The following ACSM2A variants were observed in gnomAD, a reference collection of about 807,000 sequenced individuals.
The protein encoded by ACSM2A is acyl-coenzyme A synthetase ACSM2A, mitochondrial.
In ACSM2A, 72 loss-of-function variants were observed where a neutral mutation model predicts 76.6. The observed-to-expected ratio is 0.94, with a 90% CI of 0.78 to 1.14. The LOEUF is 1.14. Ranked by LOEUF, ACSM2A falls within the 50% of genes most tolerant of loss-of-function variation. The pLI is 0.00. For missense variants in ACSM2A, 684 were observed against 708.5 expected (o/e 0.97, Z 0.39); for synonymous variants, 249 against 255.9 (o/e 0.97, Z 0.26).
chr16:20,459,485 C>G (rs1396206112), intron 1 of ACSM2A, among the ~76,000 whole-genome samples: 1 of 152,170 alleles, frequency 6.6e-6, no homozygotes, highest in Non-Finnish European at 1.5e-5. Context: ...CCCTATGGGT[C>G]TGTGTGTTGC....
At chr16:20,478,254 T>C (rs1567373329) in intron 9 of ACSM2A, among the ~76,000 whole-genome samples, 1 of 152,218 alleles carries the variant, frequency 6.6e-6, no homozygotes, top group Admixed American at 6.5e-5. Context: ...TGAGTTTTGA[T>C]CTGCCCGATT....
At chr16:20,467,831 T>C (rs766036878) in intron 3 of ACSM2A, among the ~76,000 whole-genome samples, 50 of 152,202 alleles carry the variant, frequency 3.3e-4, no homozygotes, top group Middle Eastern at 3.4e-3. Context: ...AATCATCAAC[T>C]TTTACATTAA....
chr16:20,484,492 C>T (rs2141769751), intron 13 of ACSM2A, among the ~76,000 whole-genome samples: 1 of 126,846 alleles, frequency 7.9e-6, no homozygotes, highest in South Asian at 3.1e-4. Flanking sequence ...ACCTGCCTTT[C>T]CTCAGCACAG....
At chr16:20,471,031 C>T in intron 4 of ACSM2A, 42 bp from the exon 5 acceptor site, 1 of 1,609,620 alleles carries the variant, frequency 6.2e-7, no homozygotes, top group Non-Finnish European at 8.5e-7. Context: ...TATCTGGTGT[C>T]CAGTCTAGCT....
intron 10 of ACSM2A, among the ~76,000 whole-genome samples, chr16:20,479,912 A>T (rs1240803112): frequency 2.0e-5 from 3 of 152,204 alleles, no homozygotes; most frequent in Non-Finnish European, 4.4e-5. Context: ...TCTGGTCATC[A>T]GTATCCCTAT....
chr16:20,467,470 G>T (rs1298006611), intron 3 of ACSM2A, among the ~76,000 whole-genome samples: 1 of 152,176 alleles, frequency 6.6e-6, no homozygotes, highest in African/African-American at 2.4e-5. Flanking sequence ...TAGTGGGGTT[G>T]GAAATCTCAG....
rs376725870 is a variant in ACSM2A at position 20,480,525 on chromosome 16, G to A, written c.1282-48G>A. ...TGTTCATGGCAGCCCCAGGGCAGGG[G>A]ATTTAGGCTTTGCAGGCACAATGAC... On this transcript the variant is annotated intron_variant, in intron 10 of 13. Coordinates refer to ENST00000573854, the MANE Select transcript of ACSM2A (RefSeq NM_001308172.2). 3.1e-6 allele frequency: 5 copies of A among 1,591,374 alleles called. No homozygotes were observed. The African/African-American group carries it at 5.4e-5, about 17-fold the overall frequency.
rs1469243832 is a variant in ACSM2A, at chr16:20,478,593, C to T, written c.1197C>T (p.Gly399=). 4 of 1,613,706 alleles carry T rather than the reference C, an allele frequency of 2.5e-6. No individual in the cohort carries two copies. The African/African-American group carries it at 5.3e-5, about 22-fold the overall frequency. Residue 399 remains glycine (G), a synonymous_variant, in exon 10 of 14, where the codon GGC becomes GGT. Coordinates refer to ENST00000573854, the MANE Select transcript of ACSM2A (RefSeq NM_001308172.2). ...CYDVQIIDDK[G]NVLPPGTEGD... ...TTCTCCAGATCATAGATGATAAGGGCAACGTCCTGCCCCCCGGCACAGAAG... is the reference window on the plus strand; with the variant it reads ...TTCTCCAGATCATAGATGATAAGGGTAACGTCCTGCCCCCCGGCACAGAAG...
At chr16:20,473,939 T>C (rs2013571173) in intron 6 of ACSM2A, 1 of 390,930 alleles carries the variant, frequency 2.6e-6, no homozygotes, top group Non-Finnish European at 4.9e-6. Context: ...ACTAAGGCAT[T>C]CCTTTCTATT....
At chr16:20,471,265 T>C (rs1175350223) in intron 5 of ACSM2A, 49 bp downstream of exon 5, 6 of 1,590,016 alleles carry the variant, frequency 3.8e-6, no homozygotes, top group East Asian at 2.2e-5. Context: ...GTTTTGGAGT[T>C]AGAAGGAGAA....
At chr16:20,471,260 G>A in intron 5 of ACSM2A, 44 bp downstream of exon 5, 2 of 1,590,324 alleles carry the variant, frequency 1.3e-6, no homozygotes, top group Non-Finnish European at 1.7e-6. Flanking sequence ...CATGAGTTTT[G>A]GAGTTAGAAG....
chr16:20,477,036 A>G (rs543555242), intron 8 of ACSM2A: 5 of 238,618 alleles, frequency 2.1e-5, no homozygotes, highest in African/African-American at 1.1e-4. Flanking sequence ...TACAGATTGC[A>G]TATTGGTGAT....
At chr16:20,474,431 G>T (rs553423053) in intron 6 of ACSM2A, among the ~76,000 whole-genome samples, 1 of 151,996 alleles carries the variant, frequency 6.6e-6, no homozygotes, top group Non-Finnish European at 1.5e-5. Flanking sequence ...GTGATGCCCC[G>T]ACCCTCCTTG....
At chr16:20,482,949 C>T in intron 12 of ACSM2A, 109 bp from the exon 13 acceptor site, 1 of 1,503,888 alleles carries the variant, frequency 6.6e-7, no homozygotes, top group Non-Finnish European at 9.0e-7. Context: ...ACCGGGGGTG[C>T]AAATGAGGAG....
chr16:20,466,889 T>A (rs1407362056), intron 3 of ACSM2A, among the ~76,000 whole-genome samples: 2 of 152,184 alleles, frequency 1.3e-5, no homozygotes, highest in Admixed American at 1.3e-4. Context: ...AATTCTAACC[T>A]TGTGACAAAT....
intron 1 of ACSM2A, among the ~76,000 whole-genome samples, chr16:20,458,291 C>A (rs113336846): frequency 1.0e-3 from 155 of 147,868 alleles, no homozygotes; most frequent in African/African-American, 3.5e-3. Flanking sequence ...CTTCACAGAA[C>A]TAGAAAAAAA....
At chr16:20,457,591 A>G (rs1428282481) in intron 1 of ACSM2A, among the ~76,000 whole-genome samples, 1 of 152,156 alleles carries the variant, frequency 6.6e-6, no homozygotes, top group Non-Finnish European at 1.5e-5. Context: ...AGATGTAGAA[A>G]AAGCATTTGA....
At chr16:20,467,681 G>A (rs1216256864) in intron 3 of ACSM2A, among the ~76,000 whole-genome samples, 1 of 152,168 alleles carries the variant, frequency 6.6e-6, no homozygotes, top group African/African-American at 2.4e-5. Context: ...CACAGATATA[G>A]AAAGAGGTAT....
chr16:20,477,551 T>G, intron 9 of ACSM2A, 102 bp downstream of exon 9: 1 of 1,458,532 alleles, frequency 6.9e-7, no homozygotes, highest in South Asian at 1.7e-5. Context: ...TAGAAAGTAC[T>G]GATATTAAGA....
Sources: allele counts gnomAD v4.1 joint callset (sites outside exome capture counted in the v4.1 genomes callset), GRCh38; gene constraint gnomAD v4.1.1; transcripts MANE v1.5; gene names NCBI Gene and HGNC (gene_info 2026-07-23, HGNC 2026-07-21).